The following DLG1 variants were observed in gnomAD, a reference collection of about 807,000 sequenced individuals.
The protein encoded by DLG1 is discs large MAGUK scaffold protein 1, also known as disks large homolog 1.
Under a neutral mutation model 123.4 loss-of-function variants are expected in DLG1, and 42 were observed. The observed-to-expected ratio is 0.34, with a 90% confidence interval of 0.27 to 0.44. DLG1 has a LOEUF of 0.44. DLG1 is among the 20% of genes least tolerant of loss of function. The probability of loss-of-function intolerance (pLI) is 1.00; values close to 1 mark genes in which losing one functional copy is unlikely to be tolerated. For synonymous variants in DLG1, 317 were observed against 356.2 expected, an observed-to-expected ratio of 0.89 and a Z score of 1.24; for missense variants, 942 against 1,082.6, an observed-to-expected ratio of 0.87 and a Z score of 1.82.
intron 5 of DLG1, among the ~76,000 whole-genome samples, chr3:197,177,500 CAT>C (rs777561882): frequency 2.0e-4 from 31 of 152,162 alleles, no homozygotes; most frequent in Non-Finnish European, 3.2e-4. Context: ...TATCATTACA[CAT>C]GAGACAAAAT....
At chr3:197,206,368 C>T (rs1728531124) in intron 4 of DLG1, among the ~76,000 whole-genome samples, 1 of 152,108 alleles carries the variant, frequency 6.6e-6, no homozygotes, top group Non-Finnish European at 1.5e-5. Context: ...GGCGTGATCT[C>T]GGCTCACTGC....
chr3:197,250,202 T>C (rs1360361872), intron 4 of DLG1, among the ~76,000 whole-genome samples: 2 of 152,192 alleles, frequency 1.3e-5, no homozygotes, highest in Admixed American at 1.3e-4. Context: ...ATATGCTTAG[T>C]AAAGCTGCAG....
chr3:197,055,170 T>C (rs1209041570), intron 23 of DLG1, among the ~76,000 whole-genome samples: 1 of 152,148 alleles, frequency 6.6e-6, no homozygotes, highest in African/African-American at 2.4e-5. Flanking sequence ...CAGGCTAGTC[T>C]TGAACCACGG....
chr3:197,246,325 G>C (rs556288975), intron 4 of DLG1, among the ~76,000 whole-genome samples: 17 of 152,228 alleles, frequency 1.1e-4, no homozygotes, highest in African/African-American at 3.9e-4. Context: ...CTTACACTTA[G>C]GCCCTTTTAG....
intron 5 of DLG1, among the ~76,000 whole-genome samples, chr3:197,180,196 C>T (rs1809453874): frequency 6.6e-6 from 1 of 151,744 alleles, no homozygotes; most frequent in South Asian, 2.1e-4. Context: ...ATTTAAAGTT[C>T]ATATGATTAC....
At chr3:197,108,643 C>T (rs1158441003) in intron 13 of DLG1, among the ~76,000 whole-genome samples, 1 of 152,110 alleles carries the variant, frequency 6.6e-6, no homozygotes. Flanking sequence ...TGTTTTTCTT[C>T]AAGCGTCCTT....
chr3:197,258,571 C>T (rs895013114), intron 4 of DLG1, among the ~76,000 whole-genome samples: 8 of 152,046 alleles, frequency 5.3e-5, no homozygotes, highest in South Asian at 2.1e-4. Context: ...AGAGGGGAGG[C>T]GGATGATGAA....
At chr3:197,183,552 A>T in intron 5 of DLG1, 1 of 1,541,428 alleles carries the variant, frequency 6.5e-7, no homozygotes, top group African/African-American at 1.4e-5. Flanking sequence ...GATTGAAAAT[A>T]ATTTCAACAA....
In DLG1 at chr3:197,060,033, A is replaced by G; in HGVS notation, c.2374-35T>C. 2.0e-6 allele frequency: 3 copies of G among 1,471,946 alleles called. No homozygotes were observed. The South Asian group carries it at 3.5e-5, about 17-fold the overall frequency. The allele number at this position is 1,471,946 out of a possible 1,614,324, so 91.2% of individuals were successfully genotyped here. A position where few individuals can be genotyped will look rare whatever the true frequency, so the allele number is the denominator to read the frequency against. On this transcript the variant is annotated intron_variant, in intron 22 of 24. Coordinates refer to ENST00000667157, the MANE Select transcript of DLG1 (RefSeq NM_001366207.1). ...AGGGAACAAAGAAAAAAAACAAGTG[A>G]GCCAAATATTCTCAATAATATCAAA...
At chr3:197,128,128 A>T (rs1332330806) in intron 11 of DLG1, among the ~76,000 whole-genome samples, 2 of 152,212 alleles carry the variant, frequency 1.3e-5, no homozygotes, top group Non-Finnish European at 2.9e-5. Flanking sequence ...GAAGCATGTG[A>T]TGCTGGTTTG....
At chr3:197,297,501 C>CCTG in intron 1 of DLG1, 1 of 1,243,760 alleles carries the variant, frequency 8.0e-7, no homozygotes, top group Non-Finnish European at 1.0e-6. Flanking sequence ...GAGCCTAGAC[C>CCTG]TGAGGCCGCC....
intron 4 of DLG1, among the ~76,000 whole-genome samples, chr3:197,248,297 T>G (rs403024): frequency 2.0e-5 from 3 of 152,224 alleles, no homozygotes; most frequent in Admixed American, 6.5e-5. Flanking sequence ...AGTTACTTGG[T>G]TGCTGCGGTA....
In DLG1 at chr3:197,239,843, T is replaced by TAAAAAAAAAAAAAAA. The variant is rs3035903; in HGVS notation, c.318+42835_318+42836insTTTTTTTTTTTTTTT. ...GACAGTTCAGGGGCCACAGAAAAGT[T>TAAAAAAAAAAAAAAA]AAAAAAAAAAAAAAGAATTCTAGCA... On this transcript the variant is annotated intron_variant, in intron 4 of 24. Coordinates refer to ENST00000667157, the MANE Select transcript of DLG1 (RefSeq NM_001366207.1). Among the ~76,000 whole-genome samples, 120 of 133,946 alleles carry TAAAAAAAAAAAAAAA rather than the reference T, an allele frequency of 9.0e-4. 1 individual carries two copies. Among genetic ancestry groups the TAAAAAAAAAAAAAAA allele is most frequent in the African/African-American group, 1.9e-3 (65 of 34,962 alleles). 87.9% of individuals were successfully genotyped at this position (133,946 alleles called of 152,430 possible).
intron 4 of DLG1, among the ~76,000 whole-genome samples, chr3:197,248,449 G>A (rs1444311284): frequency 1.3e-5 from 2 of 152,138 alleles, no homozygotes; most frequent in Non-Finnish European, 2.9e-5. Flanking sequence ...AGAGGAGAAT[G>A]GGATCCCAGA....
intron 18 of DLG1, 100 bp from the exon 19 acceptor site, chr3:197,069,360 A>G (rs549466520): frequency 7.2e-6 from 5 of 692,540 alleles, no homozygotes; most frequent in Middle Eastern, 2.6e-4. Context: ...ATATAACAAA[A>G]TAATTTTTTA....
At chr3:197,247,938 T>C (rs1161630120) in intron 4 of DLG1, among the ~76,000 whole-genome samples, 1 of 151,892 alleles carries the variant, frequency 6.6e-6, no homozygotes, top group East Asian at 1.9e-4. Flanking sequence ...CTATGGCCAC[T>C]TCCCCAGAGG....
At chr3:197,108,137 A>G (rs189358675) in intron 13 of DLG1, among the ~76,000 whole-genome samples, 63 of 152,338 alleles carry the variant, frequency 4.1e-4, no homozygotes, top group Non-Finnish European at 7.6e-4. Flanking sequence ...TGAACTAACC[A>G]TGCATTCCTT....
intron 5 of DLG1, among the ~76,000 whole-genome samples, chr3:197,186,116 C>T (rs1435043036): frequency 6.6e-6 from 1 of 152,178 alleles, no homozygotes; most frequent in Non-Finnish European, 1.5e-5. Flanking sequence ...TGTCCTGTTA[C>T]ATGACCTACA....
intron 5 of DLG1, chr3:197,161,607 A>G: frequency 7.9e-7 from 1 of 1,267,920 alleles, no homozygotes; most frequent in South Asian, 1.7e-5. Flanking sequence ...AGCAAATGAA[A>G]TTTTTATAAA....
Sources: allele counts gnomAD v4.1 joint callset (sites outside exome capture counted in the v4.1 genomes callset), GRCh38; gene constraint gnomAD v4.1.1; transcripts MANE v1.5; gene names NCBI Gene and HGNC (gene_info 2026-07-23, HGNC 2026-07-21).